NRCAM: variants seen among roughly 807,000 people sequenced by gnomAD.
NRCAM encodes NgCAM-related cell adhesion molecule.
A neutral mutation model predicts 156.5 loss-of-function variants in NRCAM; 83 were observed. The ratio of observed to expected loss-of-function variants is 0.53; its 90% confidence interval spans 0.44 to 0.64. The LOEUF (loss-of-function observed/expected upper bound fraction) is 0.64, where lower values mean the gene tolerates loss of function less well. Ranked by LOEUF, NRCAM falls within the 30% of genes least tolerant of loss-of-function variation. NRCAM has a pLI of 0.00. For missense variants in NRCAM, 1,417 were observed against 1,597.3 expected (o/e 0.89, Z 1.92); for synonymous variants, 538 against 563.9 (o/e 0.95, Z 0.65).
intron 2 of NRCAM, among the ~76,000 whole-genome samples, chr7:108,396,600 A>T (rs2099777569): frequency 6.6e-6 from 1 of 152,254 alleles, no homozygotes; most frequent in South Asian, 2.1e-4. Flanking sequence ...TTCCCAACAC[A>T]AAGAAATCAT....
At chr7:108,205,646 C>A (rs548129489) in intron 13 of NRCAM, among the ~76,000 whole-genome samples, 1 of 152,182 alleles carries the variant, frequency 6.6e-6, no homozygotes, top group Non-Finnish European at 1.5e-5. Context: ...TAAATGGACA[C>A]AAAAACTCTG....
In NRCAM at chr7:108,304,651, GATTT is replaced by G. The variant is rs148947048; in HGVS notation, c.-107+8010_-107+8013del. 8.3e-3 allele frequency among the ~76,000 whole-genome samples: 1,257 copies of G among 152,124 alleles called. 14 individuals carry two copies. Among genetic ancestry groups the G allele is most frequent in the African/African-American group, 0.029 (1,187 of 41,504 alleles). ...CCCAAATGACTTCAGAATAAACTGT[GATTT>G]ATTATCAATAAAATGTTGAGGTTCT... On this transcript the variant is annotated intron_variant, in intron 3 of 32. Coordinates refer to ENST00000379028, the MANE Select transcript of NRCAM (RefSeq NM_001037132.4).
At chr7:108,429,458 T>C (rs1043136189) in intron 1 of NRCAM, among the ~76,000 whole-genome samples, 2 of 152,160 alleles carry the variant, frequency 1.3e-5, no homozygotes, top group Non-Finnish European at 2.9e-5. Flanking sequence ...TCCCAAACTG[T>C]TGGGATTACA....
chr7:108,347,425 G>C (rs991662236), intron 2 of NRCAM, among the ~76,000 whole-genome samples: 12 of 152,118 alleles, frequency 7.9e-5, no homozygotes, highest in African/African-American at 2.7e-4. Flanking sequence ...GGGGCCAGGT[G>C]AGCAGTAAAA....
chr7:108,239,153 T>A (rs2153801134), intron 4 of NRCAM, among the ~76,000 whole-genome samples: 1 of 152,264 alleles, frequency 6.6e-6, no homozygotes, highest in African/African-American at 2.4e-5. Context: ...GCAGGAAAAG[T>A]GACTGGGTGG....
intron 22 of NRCAM, among the ~76,000 whole-genome samples, chr7:108,183,946 T>G (rs1203418866): frequency 6.6e-6 from 1 of 152,118 alleles, no homozygotes; most frequent in Non-Finnish European, 1.5e-5. Context: ...ATTGGTTCTA[T>G]TATTACTCCC....
At chr7:108,231,470 T>C (rs1305063102) in intron 7 of NRCAM, among the ~76,000 whole-genome samples, 1 of 152,134 alleles carries the variant, frequency 6.6e-6, no homozygotes, top group Admixed American at 6.5e-5. Context: ...ATGGAAAACA[T>C]TTAAATGTAA....
At chr7:108,189,546 C>A in intron 20 of NRCAM, 99 bp downstream of exon 20, 2 of 679,122 alleles carry the variant, frequency 2.9e-6, no homozygotes, top group Non-Finnish European at 2.6e-6. Flanking sequence ...GCAGAGAATC[C>A]CAGTAAATAC....
intron 8 of NRCAM, among the ~76,000 whole-genome samples, chr7:108,228,966 T>TA (rs916651556): frequency 6.6e-5 from 10 of 151,568 alleles, no homozygotes; most frequent in Admixed American, 1.3e-4. Flanking sequence ...TAAAGTAAAA[T>TA]AAAAAAAAAT....
At chr7:108,427,852 A>T (rs1374268347) in intron 1 of NRCAM, among the ~76,000 whole-genome samples, 1 of 151,784 alleles carries the variant, frequency 6.6e-6, no homozygotes, top group African/African-American at 2.4e-5. Context: ...CTCTTGATTC[A>T]TTGTCCTTAA....
At chr7:108,395,349 T>C (rs1336228597) in intron 2 of NRCAM, among the ~76,000 whole-genome samples, 5 of 152,214 alleles carry the variant, frequency 3.3e-5, no homozygotes, top group Admixed American at 2.0e-4. Flanking sequence ...CAGGACATTA[T>C]CTGATTAGAA....
chr7:108,359,689 A>AG (rs1300795516), intron 2 of NRCAM, among the ~76,000 whole-genome samples: 3 of 152,280 alleles, frequency 2.0e-5, no homozygotes, highest in African/African-American at 7.2e-5. Flanking sequence ...TAGCAACCAA[A>AG]ATTTTTTTAT....
chr7:108,382,562 C>A (rs957767905), intron 2 of NRCAM, among the ~76,000 whole-genome samples: 7 of 152,090 alleles, frequency 4.6e-5, no homozygotes, highest in South Asian at 2.1e-4. Flanking sequence ...TGAGCTATGA[C>A]TGCAGCATTG....
intron 13 of NRCAM, 107 bp from the exon 14 acceptor site, chr7:108,198,206 C>A: frequency 1.3e-6 from 1 of 779,838 alleles, no homozygotes; most frequent in Non-Finnish European, 1.9e-6. Context: ...TAAGTACATG[C>A]AGTAAGAATA....
At chr7:108,229,642 C>T (rs1306075628) in intron 8 of NRCAM, among the ~76,000 whole-genome samples, 1 of 152,174 alleles carries the variant, frequency 6.6e-6, no homozygotes, top group Non-Finnish European at 1.5e-5. Flanking sequence ...AGGACTTACG[C>T]ACTAAGGTTT....
chr7:108,379,400 C>T (rs969708), intron 2 of NRCAM, among the ~76,000 whole-genome samples: 29,779 of 152,046 alleles, frequency 0.2, 3,422 homozygotes, highest in East Asian at 0.44. Context: ...AAATACCTCA[C>T]TTATGTGAGG....
chr7:108,206,935 GCAGCAGC>G (rs1247424509), intron 13 of NRCAM, among the ~76,000 whole-genome samples: 1 of 152,296 alleles, frequency 6.6e-6, no homozygotes, highest in African/African-American at 2.4e-5. Context: ...AAGGATGATA[GCAGCAGC>G]TCTCAGGGAG....
chr7:108,447,879 A>T (rs1859767), intron 1 of NRCAM, among the ~76,000 whole-genome samples: 53,292 of 151,976 alleles, frequency 0.35, 9,809 homozygotes, highest in African/African-American at 0.46. Flanking sequence ...TGAAGTGGAG[A>T]CTATTCTCCA....
At chr7:108,254,239 G>C (rs1590163509) in intron 3 of NRCAM, among the ~76,000 whole-genome samples, 1 of 152,266 alleles carries the variant, frequency 6.6e-6, no homozygotes, top group African/African-American at 2.4e-5. Context: ...TAAAGGACTT[G>C]TATCTACAAC....
Sources: gnomAD v4.1 joint callset for allele counts (sites outside exome capture counted in the v4.1 genomes callset) on GRCh38, gnomAD v4.1.1 for gene constraint, MANE v1.5 for transcripts, NCBI Gene and HGNC (gene_info 2026-07-23, HGNC 2026-07-21) for gene names.